MACROD2: variants seen among roughly 807,000 people sequenced by gnomAD.
The protein encoded by MACROD2 is mono-ADP ribosylhydrolase 2.
In MACROD2, 36 loss-of-function variants were observed where a neutral mutation model predicts 70.4. The ratio of observed to expected loss-of-function variants is 0.51; its 90% CI spans 0.39 to 0.68. MACROD2 has a LOEUF of 0.68. Among genes scored for constraint, MACROD2 ranks in the 30% least tolerant of loss-of-function variants. The pLI is 0.00. For synonymous variants in MACROD2, 172 were observed against 178.8 expected (o/e 0.96, Z 0.30); for missense variants, 496 against 538.4 (o/e 0.92, Z 0.78).
chr20:15,755,952 T>C (rs1307778070), intron 8 of MACROD2, among the ~76,000 whole-genome samples: 1 of 152,198 alleles, frequency 6.6e-6, no homozygotes, highest in African/African-American at 2.4e-5. Flanking sequence ...ATGATCTTGT[T>C]TCCTGTTGAG....
intron 2 of MACROD2, among the ~76,000 whole-genome samples, chr20:14,010,738 C>G (rs1326362019): frequency 3.9e-5 from 6 of 151,920 alleles, no homozygotes; most frequent in African/African-American, 1.2e-4. Context: ...CTCTGGTGAC[C>G]TGGTGTTTGT....
At chr20:15,279,228 A>G (rs953278241) in intron 6 of MACROD2, among the ~76,000 whole-genome samples, 1 of 152,216 alleles carries the variant, frequency 6.6e-6, no homozygotes, top group Non-Finnish European at 1.5e-5. Flanking sequence ...TAGGAGACAC[A>G]CATGAACAAA....
At chr20:15,554,849 G>A (rs1349946428) in intron 8 of MACROD2, among the ~76,000 whole-genome samples, 5 of 152,216 alleles carry the variant, frequency 3.3e-5, no homozygotes, top group African/African-American at 4.8e-5. Context: ...GACTTTAGCT[G>A]TTTAGCCTTG....
At chr20:14,893,538 G>T (rs889774088) in intron 5 of MACROD2, 2 of 152,038 alleles carry the variant, frequency 1.3e-5, no homozygotes, top group African/African-American at 4.8e-5. Flanking sequence ...TGCATATGGA[G>T]ATTAGCATAT....
intron 4 of MACROD2, among the ~76,000 whole-genome samples, chr20:14,681,494 A>G (rs2070932063): frequency 6.6e-6 from 1 of 152,210 alleles, no homozygotes; most frequent in South Asian, 2.1e-4. Context: ...AAAAGAAGGC[A>G]GTCTCTCTAT....
At chr20:14,799,525 A>T (rs1018112110) in intron 5 of MACROD2, among the ~76,000 whole-genome samples, 2 of 152,134 alleles carry the variant, frequency 1.3e-5, no homozygotes, top group Non-Finnish European at 2.9e-5. Flanking sequence ...TATCACCTTA[A>T]TTATGTAATA....
chr20:15,412,697 G>A (rs2046094827), intron 6 of MACROD2, among the ~76,000 whole-genome samples: 1 of 152,142 alleles, frequency 6.6e-6, no homozygotes. Flanking sequence ...CCAGAAAAAT[G>A]GCCCCAGTGA....
chr20:14,198,966 G>A (rs750294240), intron 3 of MACROD2, among the ~76,000 whole-genome samples: 27 of 151,256 alleles, frequency 1.8e-4, no homozygotes, highest in Non-Finnish European at 2.5e-4. Context: ...TTACCTTCTC[G>A]CCTTTTCTCT....
intron 15 of MACROD2, among the ~76,000 whole-genome samples, chr20:16,011,382 G>A (rs2066860621): frequency 6.6e-6 from 1 of 152,192 alleles, no homozygotes; most frequent in African/African-American, 2.4e-5. Context: ...CATCTCTGAG[G>A]TAGATGCAAA....
chr20:14,346,523 A>G (rs2083065946), intron 3 of MACROD2, among the ~76,000 whole-genome samples: 1 of 152,224 alleles, frequency 6.6e-6, no homozygotes. Context: ...GCACCTATTT[A>G]TGTGTATTCT....
chr20:15,155,527 ATCT>A (rs1207517129), intron 5 of MACROD2, among the ~76,000 whole-genome samples: 4 of 152,062 alleles, frequency 2.6e-5, no homozygotes, highest in African/African-American at 4.8e-5. Context: ...CTTCAGATTC[ATCT>A]TCTTCAGGAA....
intron 4 of MACROD2, among the ~76,000 whole-genome samples, chr20:14,516,942 C>T (rs942716824): frequency 6.6e-6 from 1 of 152,172 alleles, no homozygotes; most frequent in Non-Finnish European, 1.5e-5. Flanking sequence ...AGAAAAAGCT[C>T]ATCATCACTG....
chr20:14,007,231 G>A (rs1368674754), intron 2 of MACROD2, among the ~76,000 whole-genome samples: 1 of 152,126 alleles, frequency 6.6e-6, no homozygotes, highest in Non-Finnish European at 1.5e-5. Flanking sequence ...ATGCAGTACG[G>A]TTTATAAAGG....
intron 3 of MACROD2, among the ~76,000 whole-genome samples, chr20:14,119,601 T>G (rs558061509): frequency 6.6e-6 from 1 of 152,340 alleles, no homozygotes; most frequent in South Asian, 2.1e-4. Flanking sequence ...ATACATTTGT[T>G]CTTTCAACTT....
chr20:15,430,914 G>A (rs764389952), intron 6 of MACROD2, among the ~76,000 whole-genome samples: 1 of 151,950 alleles, frequency 6.6e-6, no homozygotes, highest in Non-Finnish European at 1.5e-5. Context: ...GGTCATGAAT[G>A]TTAATTGATG....
intron 2 of MACROD2, among the ~76,000 whole-genome samples, chr20:14,064,295 C>G (rs1025253217): frequency 1.3e-5 from 2 of 152,094 alleles, no homozygotes; most frequent in Non-Finnish European, 2.9e-5. Context: ...CTATGTTGAT[C>G]TCACCCAGGG....
chr20:15,737,576 T>TGA (rs1452314060), intron 8 of MACROD2, among the ~76,000 whole-genome samples: 21 of 152,202 alleles, frequency 1.4e-4, no homozygotes, highest in Non-Finnish European at 2.5e-4. Context: ...ATTTGTTAGC[T>TGA]CTTACACCGT....
In MACROD2 at chr20:15,601,461, CA is replaced by C. The variant is rs112077865; in HGVS notation, c.645+101623del. Among the ~76,000 whole-genome samples, 18 of 148,936 alleles carry C rather than the reference CA, an allele frequency of 1.2e-4. No individual in the cohort carries two copies. In the Middle Eastern group the frequency reaches 9.6e-3, roughly 79 times the overall value. On this transcript the variant is annotated intron_variant, in intron 8 of 17. Transcript: ENST00000684519. ...GAAAATTTAAGTTCACACCTTCATG[CA>C]AAAAAAAAGAAAAAATCATACTTTG...
At chr20:14,226,909 G>A (rs2081742242) in intron 3 of MACROD2, among the ~76,000 whole-genome samples, 1 of 152,366 alleles carries the variant, frequency 6.6e-6, no homozygotes, top group Non-Finnish European at 1.5e-5. Context: ...GCGCGGGACT[G>A]GCAGGCATCT....
Sources: gnomAD v4.1 joint callset for allele counts (sites outside exome capture counted in the v4.1 genomes callset) on GRCh38, gnomAD v4.1.1 for gene constraint, MANE v1.5 for transcripts, NCBI Gene and HGNC (gene_info 2026-07-23, HGNC 2026-07-21) for gene names.